MACF1: variants seen among roughly 807,000 people sequenced by gnomAD.
MACF1 encodes microtubule actin crosslinking factor 1, also known as microtubule-actin cross-linking factor 1.
Under a neutral mutation model 854.8 loss-of-function variants are expected in MACF1, and 193 were observed. The ratio of observed to expected loss-of-function variants is 0.23; its 90% CI spans 0.20 to 0.25. The LOEUF is 0.25. MACF1 is among the 10% of genes least tolerant of loss of function. MACF1 has a pLI of 1.00. For synonymous variants in MACF1, 3,185 were observed against 3,226.7 expected (o/e 0.99, Z 0.44); for missense variants, 7,722 against 8,929.1 (o/e 0.86, Z 5.45).
chr1:39,331,512 A>C lies in MACF1; in HGVS notation c.4924A>C (p.Ile1642Leu). ...TGTGGTGGAAGCAATTGAAAAGAGA[A>C]TAATCAGTGAGACAGTTGGACTGAA... ...LSVVEAIEKR[I>L]ISETVGLKIL... is the part of the protein sequence containing the mutation. The change falls in exon 37 of 101, where the codon ATA becomes CTA. Residue 1642 changes from isoleucine to leucine, a missense_variant. Coordinates refer to ENST00000564288, the MANE Select transcript of MACF1 (RefSeq NM_001394062.1). 1.9e-6 allele frequency: 3 copies of C among 1,614,220 alleles called. No individual in the cohort carries two copies. The highest frequency in any genetic ancestry group is 1.1e-5 in the South Asian group (1 of 91,086).
intron 25 of MACF1, 23 bp from the exon 26 acceptor site, chr1:39,310,808 C>G (rs972226904): frequency 6.3e-7 from 1 of 1,591,476 alleles, no homozygotes; most frequent in South Asian, 1.1e-5. Context: ...GCTTACTGGT[C>G]TTTTGTGTTT....
At chr1:39,228,973 A>C in intron 1 of MACF1, among the ~76,000 whole-genome samples, 1 of 152,234 alleles carries the variant, frequency 6.6e-6, no homozygotes, top group Non-Finnish European at 1.5e-5. Context: ...TACTTCTAAC[A>C]GTCCCAAATG....
At position 39,485,563 on chromosome 1, in the gene MACF1, TGGGAGTCGGGCTGGGAGTCGAGCC is replaced by T. The variant is rs1404084882; in HGVS notation, c.22446_22469del (p.Gly7484_Ala7491del). On this transcript the variant is annotated inframe_deletion, in exon 101 of 101. Coordinates refer to ENST00000564288, the MANE Select transcript of MACF1 (RefSeq NM_001394062.1). ...ACCCTAAAAAGTCTGCCAGTCGCCC[TGGGAGTCGGGCTGGGAGTCGAGCC>T]GGGAGTCGAGCCAGCAGCCGGCGAG... 2.5e-6 allele frequency: 4 copies of T among 1,613,484 alleles called. No individual in the cohort carries two copies. Among genetic ancestry groups the T allele is most frequent in the African/African-American group, 1.3e-5 (1 of 74,920 alleles).
chr1:39,110,230 CTTTTT>C (rs5773651), intron 2 of MACF1, among the ~76,000 whole-genome samples: 1 of 84,566 alleles, frequency 1.2e-5, no homozygotes. Context: ...GGATGTTGTT[CTTTTT>C]TTTTTTTTTT....
chr1:39,380,921 C>T (rs750029164), intron 55 of MACF1, among the ~76,000 whole-genome samples: 6 of 150,572 alleles, frequency 4.0e-5, no homozygotes, highest in African/African-American at 1.2e-4. Context: ...CCAAAAAAAA[C>T]GTAACAAAAG....
intron 74 of MACF1, 80 bp downstream of exon 74, chr1:39,441,405 A>G: frequency 5.3e-6 from 6 of 1,125,070 alleles, no homozygotes; most frequent in South Asian, 2.7e-5. Context: ...ATTAAGCACA[A>G]AAGTGGATCA....
chr1:39,379,423 A>T lies in MACF1; in HGVS notation c.13497A>T (p.Lys4499Asn), dbSNP rs1301100905. 6.2e-7 allele frequency: 1 copy of T among 1,613,914 alleles called. No individual in the cohort carries two copies. Among genetic ancestry groups the T allele is most frequent in the Admixed American group, 1.7e-5 (1 of 59,958 alleles). Residue 4499 changes from lysine to asparagine, a missense_variant, in exon 54 of 101, where the codon AAA (lysine) becomes AAT (asparagine). Transcript: ENST00000564288. ...CTCCAACCAAGACAGAAACAGTGAA[A>T]GCCCAAGCTGAATCTAACAAGGTAC... is the stretch of plus-strand genomic sequence containing the variant. Reference protein sequence around the residue: ...MSSPTKTETVKAQAESNKAFL... With the variant: ...MSSPTKTETVNAQAESNKAFL...
chr1:39,354,230 C>T (rs1647330721), intron 44 of MACF1, among the ~76,000 whole-genome samples: 2 of 152,198 alleles, frequency 1.3e-5, no homozygotes, highest in Non-Finnish European at 1.5e-5. Flanking sequence ...TTGGAACTTA[C>T]TTGCTTCTCC....
intron 6 of MACF1, among the ~76,000 whole-genome samples, chr1:39,274,237 A>T (rs1310503368): frequency 6.6e-6 from 1 of 151,862 alleles, no homozygotes; most frequent in Non-Finnish European, 1.5e-5. Flanking sequence ...AAATGAAATT[A>T]AAAAATAAAA....
intron 97 of MACF1, among the ~76,000 whole-genome samples, chr1:39,471,727 T>G (rs1644781494): frequency 6.6e-6 from 1 of 152,210 alleles, no homozygotes; most frequent in African/African-American, 2.4e-5. Context: ...CTGTGTATGT[T>G]TTTGATCATT....
At chr1:39,458,829 T>C (rs1051319207) in intron 90 of MACF1, 6 of 492,596 alleles carry the variant, frequency 1.2e-5, no homozygotes, top group African/African-American at 1.2e-4. Flanking sequence ...CTTTTTTAGT[T>C]GAGTTAACGT....
chr1:39,335,526 G>T lies in MACF1; in HGVS notation c.8938G>T (p.Val2980Leu). 1 of 1,614,104 alleles carries T rather than the reference G, an allele frequency of 6.2e-7. No homozygotes were observed. Reference protein sequence around the residue: ...RVKSKREKREVIVEESIRTCK... With the variant: ...RVKSKREKRELIVEESIRTCK... ...GAAAAGTAAGAGAGAGAAGAGGGAG[G>T]TGATTGTAGAAGAAAGTATCAGAAC... Residue 2980 changes from valine to leucine, a missense_variant, in exon 37 of 101, where the codon GTG becomes TTG. This residue lies in a region of MACF1 where 854 missense variants were observed against 852.6 expected (regional missense o/e 1.00). Transcript: ENST00000564288.
intron 1 of MACF1, among the ~76,000 whole-genome samples, chr1:39,208,422 C>T (rs1316019337): frequency 6.6e-6 from 1 of 151,898 alleles, no homozygotes; most frequent in Non-Finnish European, 1.5e-5. Flanking sequence ...ACTTAACTTG[C>T]CCTTCTCTCC....
At position 39,229,331 on chromosome 1, in the gene MACF1, A is replaced by C. The variant is rs140435946; in HGVS notation, c.110-1851A>C. The stretch of plus-strand genomic sequence containing the variant: ...ATAAAACCAGAGACCAAGATAAGAA[A>C]GTACTTATTGAATGGCTATAAACTC... On this transcript the variant is annotated intron_variant, in intron 1 of 100. Transcript: ENST00000564288. Among the ~76,000 whole-genome samples the C allele has an allele frequency of 5.1e-3, 775 of 152,350 alleles. 7 individuals are homozygous for C. The highest frequency in any genetic ancestry group is 0.017 in the African/African-American group (715 of 41,574).
At chr1:39,182,019 C>T (rs1039455339) in intron 2 of MACF1, among the ~76,000 whole-genome samples, 4 of 151,830 alleles carry the variant, frequency 2.6e-5, no homozygotes, top group Non-Finnish European at 4.4e-5. Flanking sequence ...GATGTGGTGG[C>T]GGGCACCTGT....
intron 6 of MACF1, among the ~76,000 whole-genome samples, chr1:39,270,334 T>TGA (rs892436116): frequency 6.6e-6 from 1 of 151,618 alleles, no homozygotes; most frequent in Non-Finnish European, 1.5e-5. Flanking sequence ...GGGGATTAGT[T>TGA]GAGAGAGAGA....
At chr1:39,241,776 C>T (rs1238632454) in intron 2 of MACF1, among the ~76,000 whole-genome samples, 1 of 151,546 alleles carries the variant, frequency 6.6e-6, no homozygotes, top group African/African-American at 2.4e-5. Context: ...TCATTTTGAC[C>T]CTCCAAGCAT....
chr1:39,123,741 C>T (rs571491396), intron 2 of MACF1, among the ~76,000 whole-genome samples: 4 of 97,666 alleles, frequency 4.1e-5, no homozygotes, highest in East Asian at 2.8e-4. Flanking sequence ...TTTTTTTGTC[C>T]GAGGCAGAGT....
At chr1:39,198,365 T>C (rs1246736737) in intron 2 of MACF1, among the ~76,000 whole-genome samples, 1 of 151,112 alleles carries the variant, frequency 6.6e-6, no homozygotes, top group African/African-American at 2.4e-5. Context: ...AAAAATTAGC[T>C]GGGCGTGCCG....
Sources: allele counts gnomAD v4.1 joint callset (sites outside exome capture counted in the v4.1 genomes callset), GRCh38; gene constraint gnomAD v4.1.1; regional missense constraint gnomAD v4.1.1; transcripts MANE v1.5; gene names NCBI Gene and HGNC (gene_info 2026-07-23, HGNC 2026-07-21).